Variants in DNMT3A observed in about 807,000 individuals in gnomAD.
DNMT3A encodes DNA (cytosine-5)-methyltransferase 3A.
DNMT3A carries 267 observed loss-of-function variants against 117.6 expected under a neutral mutation model. That is an observed-to-expected ratio of 2.27 (90% CI 2.05 to 2.51). The LOEUF is 2.51. DNMT3A is among the 30% of genes most tolerant of loss of function. The pLI, the probability that DNMT3A is intolerant of heterozygous loss-of-function variation, is 0.00. For missense variants in DNMT3A, 1,029 were observed against 1,260.2 expected, an observed-to-expected ratio of 0.82 and a Z score of 2.78; for synonymous variants, 432 against 474.8, an observed-to-expected ratio of 0.91 and a Z score of 1.17.
In DNMT3A at chr2:25,231,392, T is replaced by A. The variant is rs1235229599; in HGVS notation, c.*2887A>T. On this transcript the variant is annotated 3_prime_UTR_variant, in exon 23 of 23. Transcript: ENST00000321117. ...AGAGGTGACAGGAAGCAACTGGGCA[T>A]GATCTTAAACACCAATCTGTCGAGG... 6.6e-6 allele frequency: 1 copy of A among 152,228 alleles called. No homozygotes were observed. The highest frequency in any genetic ancestry group is 1.9e-4 in the East Asian group (1 of 5,190). The allele number at this position is 152,228 out of a possible 1,614,324, so 9.4% of individuals were successfully genotyped here.
intron 1 of DNMT3A, among the ~76,000 whole-genome samples, chr2:25,315,467 A>C (rs2034333750): frequency 6.6e-6 from 1 of 152,180 alleles, no homozygotes; most frequent in Admixed American, 6.5e-5. Flanking sequence ...GCCCAGGTGC[A>C]CTGCGTCCAT....
At position 25,234,443 on chromosome 2, in the gene DNMT3A, G is replaced by A; in HGVS notation, c.2598-23C>T. 1 of 1,606,738 alleles carries A rather than the reference G, an allele frequency of 6.2e-7. No homozygotes were observed. Among genetic ancestry groups the A allele is most frequent in the Non-Finnish European group, 8.5e-7 (1 of 1,175,368 alleles). ...ACCCTGGGGGAGAAAAGGCAGAGAG[G>A]GCAGGGTGAGTGCTGGCCAGACCAG... is the stretch of plus-strand genomic sequence containing the variant. On this transcript the variant is annotated intron_variant, in intron 22 of 22. Transcript: ENST00000321117. The surrounding 1 kb of genome is among the most constrained non-coding windows in gnomAD (Gnocchi z 4.5).
chr2:25,305,093 G>GT lies in DNMT3A; in HGVS notation c.73-4851dup, dbSNP rs1249297365. The stretch of plus-strand genomic sequence containing the variant: ...GACTGTCACAGAGTAGGTGCCTGAC[G>GT]TGAGTCCATAGACGCAAACAGAGAC... On this transcript the variant is annotated intron_variant, in intron 2 of 22. Coordinates refer to ENST00000321117, the MANE Select transcript of DNMT3A (RefSeq NM_022552.5). The surrounding 1 kb of genome is among the most constrained non-coding windows in gnomAD (Gnocchi z 4.1). Among the ~76,000 whole-genome samples, 3 of 152,214 alleles carry GT rather than the reference G, an allele frequency of 2.0e-5. No homozygotes were observed. Among genetic ancestry groups the GT allele is most frequent in the African/African-American group, 7.2e-5 (3 of 41,444 alleles).
intron 3 of DNMT3A, 131 bp downstream of exon 3, chr2:25,300,008 G>A (rs1416779467): frequency 4.0e-6 from 3 of 753,402 alleles, no homozygotes; most frequent in Non-Finnish European, 4.0e-6. Context: ...CCTGCAGCTG[G>A]AGGGGTATAC....
Position 25,247,974 on chromosome 2 carries a change from G to A in DNMT3A, c.855+63C>T. The A allele has an allele frequency of 1.2e-6, 2 of 1,606,042 alleles. No homozygotes were observed. The highest frequency in any genetic ancestry group is 1.7e-6 in the Non-Finnish European group (2 of 1,176,466). The stretch of plus-strand genomic sequence containing the variant: ...AGATGGAGAGAGGAGAGCAGGACGG[G>A]AGGAGCTGGCAGTGGAAGGCCCCCG... On this transcript the variant is annotated intron_variant, in intron 7 of 22. Coordinates refer to ENST00000321117, the MANE Select transcript of DNMT3A (RefSeq NM_022552.5). The surrounding 1 kb of genome is among the most constrained non-coding windows in gnomAD (Gnocchi z 5.6).
chr2:25,246,635 G>C lies in DNMT3A; in HGVS notation c.1264C>G (p.Leu422Val). 1.2e-6 allele frequency: 2 copies of C among 1,612,724 alleles called. No homozygotes were observed. The highest frequency in any genetic ancestry group is 1.7e-6 in the Non-Finnish European group (2 of 1,179,664). ...CCTCATTTACCTTCTGGTGGCTCCA[G>C]GCCCTTAGGGCCAGAAGGCTGGAAG... The part of the protein sequence containing the change: ...GGFQPSGPKG[L>V]EPPEEEKNPY... The change falls in exon 10 of 23, where the codon CTG (leucine) becomes GTG (valine). Residue 422 changes from leucine (L) to valine (V), a missense_variant. Leu to Val is a conservative substitution (Grantham distance 32). Coordinates refer to ENST00000321117, the MANE Select transcript of DNMT3A (RefSeq NM_022552.5).
intron 1 of DNMT3A, among the ~76,000 whole-genome samples, 188 bp downstream of exon 1, chr2:25,341,637 GC>G (rs1308988553): frequency 6.9e-6 from 1 of 145,664 alleles, no homozygotes; most frequent in Non-Finnish European, 1.5e-5. Context: ...CCCCCGCGCC[GC>G]CCCGGCCAGC....
intron 1 of DNMT3A, among the ~76,000 whole-genome samples, chr2:25,340,985 C>T (rs902075921): frequency 2.0e-5 from 3 of 146,992 alleles, no homozygotes; most frequent in African/African-American, 7.4e-5. Flanking sequence ...CACGACCACC[C>T]CTCTCCGTGC....
chr2:25,301,795 A>G (rs1000134744), intron 2 of DNMT3A, among the ~76,000 whole-genome samples: 5 of 152,308 alleles, frequency 3.3e-5, no homozygotes, highest in African/African-American at 1.2e-4. Flanking sequence ...GCCCTCCCCA[A>G]GGAGGGGCCA....
chr2:25,258,497 G>A (rs1448125986), intron 6 of DNMT3A, among the ~76,000 whole-genome samples: 2 of 152,226 alleles, frequency 1.3e-5, no homozygotes, highest in East Asian at 1.9e-4. Context: ...AGGCTGGGGG[G>A]AAGGGAAGCA....
intron 6 of DNMT3A, chr2:25,249,507 T>C: frequency 2.3e-6 from 2 of 884,320 alleles, no homozygotes; most frequent in South Asian, 1.6e-5. Context: ...ACCCCTTCTA[T>C]GTGCACCCTT....
intron 1 of DNMT3A, 30 bp downstream of exon 1, chr2:25,341,783 CTCCGGGCCGGCCT>C: frequency 1.0e-6 from 1 of 979,170 alleles, no homozygotes; most frequent in Non-Finnish European, 1.2e-6. Context: ...TCCCCGCCGC[CTCCGGGCCGGCCT>C]TCCGGGCCGC....
chr2:25,255,800 TGAA>T (rs1676053765), intron 6 of DNMT3A, among the ~76,000 whole-genome samples: 1 of 152,194 alleles, frequency 6.6e-6, no homozygotes, highest in African/African-American at 2.4e-5. Flanking sequence ...CCTGGGTCAT[TGAA>T]GAGTCATGAT....
intron 2 of DNMT3A, among the ~76,000 whole-genome samples, chr2:25,301,581 A>C (rs570326186): frequency 6.6e-6 from 1 of 152,284 alleles, no homozygotes; most frequent in East Asian, 1.9e-4. Context: ...ACAGAGACAT[A>C]AACCTAGAAA....
At chr2:25,326,000 G>A (rs572875606) in intron 1 of DNMT3A, among the ~76,000 whole-genome samples, 1 of 152,176 alleles carries the variant, frequency 6.6e-6, no homozygotes, top group Admixed American at 6.5e-5. Context: ...CACAGAATGG[G>A]ATAAGAAGAC....
intron 2 of DNMT3A, among the ~76,000 whole-genome samples, chr2:25,302,008 C>T (rs759444703): frequency 2.0e-5 from 3 of 152,156 alleles, no homozygotes; most frequent in Non-Finnish European, 2.9e-5. Context: ...ATAAGACCAG[C>T]GGGAAGAGCA....
In DNMT3A at chr2:25,281,485, C is replaced by CT; in HGVS notation, c.448+955dup. 2 of 1,053,520 alleles carry CT rather than the reference C, an allele frequency of 1.9e-6. No homozygotes were observed. Among genetic ancestry groups the CT allele is most frequent in the South Asian group, 9.1e-5 (2 of 21,884 alleles). The allele number at this position is 1,053,520 out of a possible 1,614,324, so 65.3% of individuals were successfully genotyped here. ...GAAATTTGTATTCTGGAAATGTTCT[C>CT]TATCCTGCATGAACATTAGGTTGGA... On this transcript the variant is annotated intron_variant, in intron 4 of 22. Transcript: ENST00000321117. The surrounding 1 kb of genome is among the most constrained non-coding windows in gnomAD (Gnocchi z 4.8).
chr2:25,303,914 C>T (rs190897983), intron 2 of DNMT3A, among the ~76,000 whole-genome samples: 3 of 152,346 alleles, frequency 2.0e-5, no homozygotes, highest in Admixed American at 6.5e-5. Flanking sequence ...GCATCTGTCA[C>T]GGGGTCTGTT....
At chr2:25,285,298 C>G (rs1256024783) in intron 3 of DNMT3A, among the ~76,000 whole-genome samples, 1 of 152,256 alleles carries the variant, frequency 6.6e-6, no homozygotes, top group Non-Finnish European at 1.5e-5. Flanking sequence ...TCTCAACCCA[C>G]TGTTATTTGG....
Sources: gnomAD v4.1 joint callset for allele counts (sites outside exome capture counted in the v4.1 genomes callset) on GRCh38, gnomAD v4.1.1 for gene constraint, Gnocchi (gnomAD v3.1) non-coding constraint, MANE v1.5 for transcripts, NCBI Gene and HGNC (gene_info 2026-07-23, HGNC 2026-07-21) for gene names.